COQ5: variants seen among roughly 807,000 people sequenced by gnomAD.
COQ5 encodes the protein 2-methoxy-6-polyprenyl-1,4-benzoquinol methylase, mitochondrial.
In COQ5, 27 loss-of-function variants were observed where a neutral mutation model predicts 40.5. The observed-to-expected ratio is 0.67, with a 90% CI of 0.49 to 0.92. COQ5 has a LOEUF of 0.92. Ranked by LOEUF, COQ5 falls within the 40% of genes least tolerant of loss-of-function variation. The pLI is 0.00. For synonymous variants in COQ5, 141 were observed against 150.0 expected, an observed-to-expected ratio of 0.94 and a Z score of 0.44; for missense variants, 409 against 406.4, an observed-to-expected ratio of 1.01 and a Z score of -0.06.
intron 1 of COQ5, among the ~76,000 whole-genome samples, chr12:120,524,824 T>A (rs73225229): frequency 0.045 from 6,869 of 152,108 alleles, 252 homozygotes; most frequent in South Asian, 0.1. Context: ...TTTTTTTTTT[T>A]TAAATTTTTT....
chr12:120,523,302 A>G (rs1225616311), intron 1 of COQ5: 2 of 245,162 alleles, frequency 8.2e-6, no homozygotes, highest in Non-Finnish European at 1.6e-5. Flanking sequence ...GCGCCACTGC[A>G]CTCCCGCCTG....
At chr12:120,528,412 T>C (rs1037430084) in intron 1 of COQ5, among the ~76,000 whole-genome samples, 1 of 152,148 alleles carries the variant, frequency 6.6e-6, no homozygotes, top group African/African-American at 2.4e-5. Flanking sequence ...CAATACCCAC[T>C]ACTGGAATGT....
At chr12:120,508,950 A>G (rs562913525) in intron 4 of COQ5, among the ~76,000 whole-genome samples, 1 of 151,820 alleles carries the variant, frequency 6.6e-6, no homozygotes, top group African/African-American at 2.4e-5. Flanking sequence ...GCTTGAACCC[A>G]GGAGACAGAG....
intron 4 of COQ5, among the ~76,000 whole-genome samples, chr12:120,505,252 A>G (rs1278898704): frequency 2.6e-5 from 4 of 152,230 alleles, no homozygotes; most frequent in Non-Finnish European, 5.9e-5. Flanking sequence ...GGGTAAGTTT[A>G]GAGTTACCTT....
intron 1 of COQ5, chr12:120,522,643 A>T: frequency 3.1e-6 from 2 of 653,844 alleles, no homozygotes; most frequent in South Asian, 3.6e-5. Flanking sequence ...CTGTCCTCAC[A>T]TTGGCAGACA....
chr12:120,525,451 C>T (rs766089594), intron 1 of COQ5, among the ~76,000 whole-genome samples: 11 of 152,032 alleles, frequency 7.2e-5, no homozygotes, highest in Admixed American at 2.0e-4. Context: ...TAACCCCACT[C>T]GGTATAAATA....
In COQ5 at chr12:120,504,013, G is replaced by A. The variant is rs1868767999; in HGVS notation, c.839C>T (p.Ser280Phe). 4 of 1,613,732 alleles carry A rather than the reference G, an allele frequency of 2.5e-6. No individual in the cohort carries two copies. The highest frequency in any genetic ancestry group is 3.4e-6 in the Non-Finnish European group (4 of 1,179,612). Residue 280 changes from serine to phenylalanine, a missense_variant, in exon 6 of 7, where the codon TCC becomes TTC. Ser to Phe is a radical substitution (Grantham distance 155). Transcript: ENST00000288532. ...GATACTCTCTACAAGGTACTGATAG[G>A]ACTTCCAGTCTCCAGCGATGACCTC... ...LGEVIAGDWK[S>F]YQYLVESIRR...
chr12:120,512,741 T>C (rs1008240791), intron 3 of COQ5, among the ~76,000 whole-genome samples: 41 of 152,158 alleles, frequency 2.7e-4, no homozygotes, highest in African/African-American at 9.9e-4. Context: ...GTTGGAATTA[T>C]GGTTAACATT....
chr12:120,524,238 C>G (rs1869821986), intron 1 of COQ5, among the ~76,000 whole-genome samples: 1 of 152,082 alleles, frequency 6.6e-6, no homozygotes. Context: ...ATCCAAGACT[C>G]TCAGAAGTGT....
In COQ5 at chr12:120,514,745, A is replaced by AAACAACAACAAC. The variant is rs375392327; in HGVS notation, c.574+1810_574+1821dup. On this transcript the variant is annotated intron_variant, in intron 3 of 6. Transcript: ENST00000288532. ...GCAACAGGGCAAGACTCTGTCTCAG[A>AAACAACAACAAC]AACAACAACAACAACAACAACAACA... Among the ~76,000 whole-genome samples, 1,398 of 147,914 alleles carry AAACAACAACAAC rather than the reference A, an allele frequency of 9.5e-3. 17 individuals are homozygous for AAACAACAACAAC. The highest frequency in any genetic ancestry group is 0.031 in the East Asian group (153 of 4,952).
At chr12:120,518,168 C>G (rs1338863403) in intron 2 of COQ5, among the ~76,000 whole-genome samples, 1 of 152,062 alleles carries the variant, frequency 6.6e-6, no homozygotes, top group Non-Finnish European at 1.5e-5. Flanking sequence ...CCTGTGATCC[C>G]AGCACTTCAG....
At chr12:120,523,415 T>G (rs139434278) in intron 1 of COQ5, 1 of 403,160 alleles carries the variant, frequency 2.5e-6, no homozygotes. Context: ...GGACTGGCTG[T>G]GTGTGGTGTG....
Position 120,517,442 on chromosome 12 carries a change from G to T in COQ5, c.353-654C>A, listed in dbSNP as rs547986053. The stretch of plus-strand genomic sequence containing the variant: ...TCCCAGCACTTCGGGAGGCCGAGGC[G>T]GTTGGATCACGAGGTCAGGAGATCG... On this transcript the variant is annotated intron_variant, in intron 2 of 6. Coordinates refer to ENST00000288532, the MANE Select transcript of COQ5 (RefSeq NM_032314.4). Among the ~76,000 whole-genome samples the T allele has an allele frequency of 4.0e-5, 6 of 151,516 alleles. No individual in the cohort carries two copies. The South Asian group carries it at 1.3e-3, about 32-fold the overall frequency.
chr12:120,528,646 A>G (rs1870077136), intron 1 of COQ5, among the ~76,000 whole-genome samples: 1 of 152,026 alleles, frequency 6.6e-6, no homozygotes, highest in South Asian at 2.1e-4. Flanking sequence ...TAGTAAGAAT[A>G]CAAAAAAGTT....
At chr12:120,527,502 T>C (rs1870005677) in intron 1 of COQ5, 1 of 152,210 alleles carries the variant, frequency 6.6e-6, no homozygotes, top group East Asian at 1.9e-4. Flanking sequence ...TCCCATTGAT[T>C]AAGGTCATTG....
chr12:120,521,608 G>A (rs1869660232), intron 2 of COQ5, among the ~76,000 whole-genome samples: 1 of 151,090 alleles, frequency 6.6e-6, no homozygotes, highest in Admixed American at 6.6e-5. Context: ...CCCGGAGGTG[G>A]AGGTTGCAGT....
chr12:120,524,020 T>C, intron 1 of COQ5: 1 of 309,368 alleles, frequency 3.2e-6, no homozygotes, highest in Admixed American at 4.2e-5. Context: ...AAAATAAAGA[T>C]GAAAGATGCA....
chr12:120,517,397 G>A (rs1481518408), intron 2 of COQ5, among the ~76,000 whole-genome samples: 3 of 151,460 alleles, frequency 2.0e-5, no homozygotes, highest in East Asian at 3.9e-4. Context: ...GAGGCCGGGC[G>A]CGGTGGCTCA....
intron 4 of COQ5, among the ~76,000 whole-genome samples, chr12:120,506,785 TA>T (rs1439976729): frequency 9.2e-5 from 14 of 152,218 alleles, no homozygotes; most frequent in Non-Finnish European, 1.3e-4. Flanking sequence ...TCTGTGTCTA[TA>T]AAGCCAATGT....
Sources: gnomAD v4.1 joint callset for allele counts (sites outside exome capture counted in the v4.1 genomes callset) on GRCh38, gnomAD v4.1.1 for gene constraint, MANE v1.5 for transcripts, NCBI Gene and HGNC (gene_info 2026-07-23, HGNC 2026-07-21) for gene names.